Variants in ANK2 observed in about 807,000 individuals in gnomAD.
The protein encoded by ANK2 is ankyrin-2.
Under a neutral mutation model 360.5 loss-of-function variants are expected in ANK2, and 83 were observed. The observed-to-expected ratio is 0.23, with a 90% CI of 0.19 to 0.28. ANK2 has a LOEUF of 0.28. ANK2 is among the 10% of genes least tolerant of loss of function. The pLI, the probability that ANK2 is intolerant of heterozygous loss-of-function variation, is 1.00. For synonymous variants in ANK2, 1,740 were observed against 1,759.5 expected, an observed-to-expected ratio of 0.99 and a Z score of 0.28; for missense variants, 4,201 against 4,795.7, an observed-to-expected ratio of 0.88 and a Z score of 3.66.
At chr4:113,114,169 G>A (rs2094546229) in intron 1 of ANK2, among the ~76,000 whole-genome samples, 1 of 152,090 alleles carries the variant, frequency 6.6e-6, no homozygotes, top group African/African-American at 2.4e-5. Flanking sequence ...CCCTCAATGA[G>A]GGCTTTTTGA....
At chr4:112,823,225 T>C (rs1306119292) in intron 1 of ANK2, among the ~76,000 whole-genome samples, 1 of 152,236 alleles carries the variant, frequency 6.6e-6, no homozygotes, top group African/African-American at 2.4e-5. Flanking sequence ...AGTCAGTTTC[T>C]ACTGGTTGAG....
intron 2 of ANK2, among the ~76,000 whole-genome samples, chr4:112,922,106 G>A (rs2091677428): frequency 6.6e-6 from 1 of 152,190 alleles, no homozygotes. Context: ...CGTCTTAGGT[G>A]TGCCCACATA....
At chr4:113,247,336 A>C (rs1246493320) in intron 9 of ANK2, among the ~76,000 whole-genome samples, 1 of 152,218 alleles carries the variant, frequency 6.6e-6, no homozygotes, top group Non-Finnish European at 1.5e-5. Context: ...AAATATTCAA[A>C]ATCTAATCAA....
chr4:113,162,331 C>T (rs988137718), intron 1 of ANK2, among the ~76,000 whole-genome samples: 3 of 152,064 alleles, frequency 2.0e-5, no homozygotes, highest in East Asian at 1.9e-4. Context: ...TTGCCTTTTC[C>T]TGTCTTTTAC....
At position 113,382,978 on chromosome 4, in the gene ANK2, C is replaced by T. The variant is rs1407564268; in HGVS notation, c.*1507C>T. 1 of 152,528 alleles carries T rather than the reference C, an allele frequency of 6.6e-6. No homozygotes were observed. 9.4% of individuals were successfully genotyped at this position (152,528 alleles called of 1,614,324 possible). A position where few individuals can be genotyped will look rare whatever the true frequency, so the allele number is the denominator to read the frequency against. On this transcript the variant is annotated 3_prime_UTR_variant, in exon 46 of 46. Coordinates refer to ENST00000357077, the MANE Select transcript of ANK2 (RefSeq NM_001148.6). ...TAATTTCCATGTCCTCTTCCTTATT[C>T]CTCTAGTGGTTGAAGCTGTGTAGCA... is the stretch of plus-strand genomic sequence containing the variant.
the ANK2 span, among the ~76,000 whole-genome samples, chr4:112,745,015 A>T: frequency 6.6e-6 from 1 of 152,128 alleles, no homozygotes; most frequent in South Asian, 2.1e-4. Context: ...CTTTTTCTCT[A>T]TATGTCATAT....
chr4:112,988,691 C>T (rs2045751956), intron 2 of ANK2, among the ~76,000 whole-genome samples: 3 of 152,180 alleles, frequency 2.0e-5, no homozygotes, highest in Admixed American at 2.0e-4. Context: ...TGTACAATGC[C>T]TCATGACTTA....
At chr4:113,350,180 G>T in intron 36 of ANK2, 48 bp from the exon 37 acceptor site, 1 of 1,579,864 alleles carries the variant, frequency 6.3e-7, no homozygotes, top group Non-Finnish European at 8.7e-7. Flanking sequence ...GGGGCTATGA[G>T]CCAAGGCAGT....
At chr4:113,312,226 C>T (rs1278090462) in intron 24 of ANK2, among the ~76,000 whole-genome samples, 2 of 150,752 alleles carry the variant, frequency 1.3e-5, no homozygotes, top group African/African-American at 4.9e-5. Flanking sequence ...CCCTTGAGCC[C>T]CAGAATTCAA....
intron 17 of ANK2, 31 bp from the exon 18 acceptor site, chr4:113,282,644 T>A (rs1337611322): frequency 6.5e-7 from 1 of 1,538,656 alleles, no homozygotes; most frequent in Admixed American, 1.8e-5. Context: ...TCTTACTCTA[T>A]ATGCATGTGT....
the ANK2 span, among the ~76,000 whole-genome samples, chr4:112,734,670 A>G: frequency 6.6e-6 from 1 of 152,228 alleles, no homozygotes; most frequent in African/African-American, 2.4e-5. Context: ...AACAATTTAT[A>G]TCATTAAATG....
the ANK2 span, chr4:112,798,622 G>A: frequency 1.3e-5 from 2 of 152,234 alleles, no homozygotes; most frequent in Admixed American, 1.3e-4. Context: ...ATGATCAATT[G>A]TACCTGTATT....
intron 1 of ANK2, among the ~76,000 whole-genome samples, chr4:113,164,723 T>C (rs1281735101): frequency 6.6e-6 from 1 of 152,250 alleles, no homozygotes; most frequent in Non-Finnish European, 1.5e-5. Context: ...GGTTTGTTTT[T>C]CATATCCTGA....
chr4:113,134,085 T>C (rs952912394), intron 1 of ANK2, among the ~76,000 whole-genome samples: 2 of 152,010 alleles, frequency 1.3e-5, no homozygotes, highest in African/African-American at 4.8e-5. Context: ...TGAAACCATC[T>C]ATACTACTAG....
At chr4:113,323,538 A>T (rs1449798508) in intron 26 of ANK2, among the ~76,000 whole-genome samples, 2 of 152,168 alleles carry the variant, frequency 1.3e-5, no homozygotes, top group East Asian at 3.9e-4. Context: ...CAAGGTTAAA[A>T]ACCCATATCC....
intron 37 of ANK2, among the ~76,000 whole-genome samples, chr4:113,351,008 G>A (rs532549042): frequency 3.9e-5 from 6 of 152,042 alleles, no homozygotes; most frequent in African/African-American, 1.4e-4. Flanking sequence ...CCTTAAAAGA[G>A]CTATCTTAGA....
At chr4:113,222,516 C>T (rs1220030517) in intron 4 of ANK2, among the ~76,000 whole-genome samples, 1 of 151,688 alleles carries the variant, frequency 6.6e-6, no homozygotes, top group East Asian at 1.9e-4. Flanking sequence ...CCTGCCTCAG[C>T]CTTTTTGAGT....
the ANK2 span, among the ~76,000 whole-genome samples, chr4:112,769,305 G>C: frequency 1.3e-5 from 2 of 152,170 alleles, no homozygotes; most frequent in Non-Finnish European, 2.9e-5. Flanking sequence ...CTTCAAGTTT[G>C]CCAGTGTCAC....
At chr4:113,078,419 TC>T (rs1360083405) in intron 1 of ANK2, among the ~76,000 whole-genome samples, 1 of 152,204 alleles carries the variant, frequency 6.6e-6, no homozygotes, top group Non-Finnish European at 1.5e-5. Context: ...TGGATGTTGC[TC>T]GTCAATAGTA....
Sources: allele counts gnomAD v4.1 joint callset (sites outside exome capture counted in the v4.1 genomes callset), GRCh38; gene constraint gnomAD v4.1.1; transcripts MANE v1.5; gene names NCBI Gene and HGNC (gene_info 2026-07-23, HGNC 2026-07-21).